XRCC1: variants seen among roughly 807,000 people sequenced by gnomAD.
The protein encoded by XRCC1 is DNA repair protein XRCC1.
XRCC1 carries 52 observed loss-of-function variants against 83.3 expected under a neutral mutation model. That is an observed-to-expected ratio of 0.62 (90% CI 0.50 to 0.79). The LOEUF (loss-of-function observed/expected upper bound fraction) is 0.79. Ranked by LOEUF, XRCC1 falls within the 30% of genes least tolerant of loss-of-function variation. The pLI is 0.00. For synonymous variants in XRCC1, 281 were observed against 312.6 expected (o/e 0.90, Z 1.07); for missense variants, 793 against 823.5 (o/e 0.96, Z 0.45).
At position 43,565,692 on chromosome 19, in the gene XRCC1, G is replaced by A. The variant is rs3213299; in HGVS notation, c.145-4672C>T. 1.8e-4 allele frequency among the ~76,000 whole-genome samples: 27 copies of A among 152,258 alleles called. No individual in the cohort carries two copies. The East Asian group carries it at 3.9e-3, about 22-fold the overall frequency. ...GGCTCACGCCTGTAATCCCAGCACC[G>A]TGGGAGGTGGAGGCGGGAGAATCAC... On this transcript the variant is annotated intron_variant, in intron 2 of 16. Coordinates refer to ENST00000262887, the MANE Select transcript of XRCC1 (RefSeq NM_006297.3).
chr19:43,560,682 G>A (rs1972688699), intron 3 of XRCC1, among the ~76,000 whole-genome samples: 2 of 152,200 alleles, frequency 1.3e-5, no homozygotes, highest in Non-Finnish European at 2.9e-5. Flanking sequence ...TAATACATTT[G>A]TGTCATTTTA....
chr19:43,551,706 GA>G lies in XRCC1; in HGVS notation c.1083-20del, dbSNP rs1171529602. The G allele has an allele frequency of 5.0e-6, 8 of 1,594,700 alleles. No homozygotes were observed. The Admixed American group carries it at 1.3e-4, about 27-fold the overall frequency. On this transcript the variant is annotated intron_variant, in intron 9 of 16. Transcript: ENST00000262887. ...GGCACAGCTGGTGGGGGGCAGAAGT[GA>G]AGATGCCAGTTAGGTGTGATCTGAG...
At chr19:43,569,475 C>A (rs74619094) in intron 2 of XRCC1, among the ~76,000 whole-genome samples, 183 of 129,702 alleles carry the variant, frequency 1.4e-3, no homozygotes, top group Non-Finnish European at 1.4e-3. Context: ...GACCCTGTCT[C>A]AAAAAAAAAA....
At chr19:43,551,815 G>T in intron 9 of XRCC1, 128 bp from the exon 10 acceptor site, 1 of 996,522 alleles carries the variant, frequency 1.0e-6, no homozygotes, top group Non-Finnish European at 1.5e-6. Flanking sequence ...TGAGGTGGGA[G>T]AAACAAAAAG....
At chr19:43,575,252 TC>T in intron 1 of XRCC1, 155 bp downstream of exon 1, 1 of 918,334 alleles carries the variant, frequency 1.1e-6, no homozygotes. Context: ...CGCCGGAACG[TC>T]CCTAATTCAA....
chr19:43,553,405 G>C lies in XRCC1; in HGVS notation c.597C>G (p.Ser199=). Residue 199 remains serine, a synonymous_variant, in exon 6 of 17, where the codon TCC becomes TCG. Coordinates refer to ENST00000262887, the MANE Select transcript of XRCC1 (RefSeq NM_006297.3). The stretch of plus-strand genomic sequence containing the variant: ...ACCCACGTTGTCCGAGCTCACCTGG[G>C]GATGTCTTGTTGATCCGGCTGAAGA... The part of the protein sequence containing the change: ...ALFFSRINKT[S]PVTASDPAGP... 6.2e-7 allele frequency: 1 copy of C among 1,614,062 alleles called. No homozygotes were observed. The highest frequency in any genetic ancestry group is 8.5e-7 in the Non-Finnish European group (1 of 1,179,982).
rs1972506177 is a variant in XRCC1 at position 43,546,065 on chromosome 19, CCT to C, written c.1466_1467del (p.Glu489GlyfsTer2). On this transcript the variant is annotated frameshift_variant, in exon 13 of 17. Coordinates refer to ENST00000262887, the MANE Select transcript of XRCC1 (RefSeq NM_006297.3). LOFTEE classifies it high-confidence loss of function. ...DNGAEDSGDTEDELRRVAEQK... is the reference protein window; with the variant it reads ...DNGAEDSGDTXDELRRVAEQK... ...CCCCAGCCCTACCTCCTCAGCTCAT[CCT>C]CTGTGTCCCCAGAATCTTCCGCCCC... 1.2e-6 allele frequency: 2 copies of C among 1,613,538 alleles called. No homozygotes were observed. Among genetic ancestry groups the C allele is most frequent in the Non-Finnish European group, 1.7e-6 (2 of 1,179,830 alleles).
intron 2 of XRCC1, among the ~76,000 whole-genome samples, chr19:43,573,970 T>C (rs1038781897): frequency 2.6e-5 from 4 of 152,344 alleles, no homozygotes; most frequent in African/African-American, 9.6e-5. Context: ...TAACAGAGCC[T>C]GCCTCTTGGG....
intron 10 of XRCC1, among the ~76,000 whole-genome samples, chr19:43,550,130 G>A (rs1334867448): frequency 6.6e-6 from 1 of 152,094 alleles, no homozygotes; most frequent in Non-Finnish European, 1.5e-5. Flanking sequence ...TCTGGAGCTG[G>A]ATGGGCTTCA....
chr19:43,559,266 A>G (rs987170459), intron 3 of XRCC1, among the ~76,000 whole-genome samples: 12 of 151,736 alleles, frequency 7.9e-5, no homozygotes, highest in African/African-American at 1.9e-4. Context: ...GGCAGATCAC[A>G]AGGTCAGGAG....
intron 10 of XRCC1, among the ~76,000 whole-genome samples, chr19:43,547,412 C>T (rs1382783448): frequency 6.6e-6 from 1 of 151,786 alleles, no homozygotes; most frequent in African/African-American, 2.4e-5. Flanking sequence ...TCTCGATCTC[C>T]TGACCTCATG....
chr19:43,546,521 G>A (rs1322228300), intron 12 of XRCC1, 74 bp downstream of exon 12: 25 of 1,503,636 alleles, frequency 1.7e-5, no homozygotes, highest in Non-Finnish European at 2.0e-5. Flanking sequence ...TCAGACTCAG[G>A]AGCCCAGGCC....
intron 3 of XRCC1, among the ~76,000 whole-genome samples, chr19:43,559,994 T>G (rs1360338963): frequency 6.6e-6 from 1 of 151,294 alleles, no homozygotes; most frequent in Non-Finnish European, 1.5e-5. Flanking sequence ...GGTGGGAGAA[T>G]CACTTGAACC....
rs573104007 is a variant in XRCC1, at chr19:43,557,356, G to T, written c.256-2552C>A. On this transcript the variant is annotated intron_variant, in intron 3 of 16. Coordinates refer to ENST00000262887, the MANE Select transcript of XRCC1 (RefSeq NM_006297.3). ...AGATGAATGCAGCCACTTTTGGTTG[G>T]GTATATTTTGTTACTGACTTAGTCT... is the stretch of plus-strand genomic sequence containing the variant. Among the ~76,000 whole-genome samples the T allele has an allele frequency of 1.2e-4, 18 of 151,268 alleles. No individual in the cohort carries two copies. In the South Asian group the frequency reaches 3.8e-3, roughly 32 times the overall value.
At chr19:43,575,331 A>G in intron 1 of XRCC1, 77 bp downstream of exon 1, 1 of 1,453,602 alleles carries the variant, frequency 6.9e-7, no homozygotes, top group Non-Finnish European at 9.3e-7. Context: ...CTTCCAAGAG[A>G]ACCCCAAAAG....
intron 3 of XRCC1, among the ~76,000 whole-genome samples, chr19:43,557,026 A>C (rs2146056805): frequency 6.6e-6 from 1 of 151,794 alleles, no homozygotes; most frequent in East Asian, 2.0e-4. Flanking sequence ...CGAAACAAAA[A>C]GACTGGGCAC....
intron 3 of XRCC1, 84 bp downstream of exon 3, chr19:43,560,826 C>G (rs1480725377): frequency 8.5e-7 from 1 of 1,176,110 alleles, no homozygotes; most frequent in Non-Finnish European, 1.3e-6. Context: ...CCCATGTCTT[C>G]CCAGCCCCAG....
At chr19:43,550,024 C>G (rs1972559587) in intron 10 of XRCC1, among the ~76,000 whole-genome samples, 1 of 152,114 alleles carries the variant, frequency 6.6e-6, no homozygotes, top group Admixed American at 6.6e-5. Context: ...GAGTCCCCAC[C>G]TGCAGCCTCC....
chr19:43,573,656 T>A (rs1489697000), intron 2 of XRCC1, among the ~76,000 whole-genome samples: 1 of 152,076 alleles, frequency 6.6e-6, no homozygotes, highest in Non-Finnish European at 1.5e-5. Flanking sequence ...GAGGAACGCT[T>A]GAGCCCAGGA....
Sources: allele counts gnomAD v4.1 joint callset (sites outside exome capture counted in the v4.1 genomes callset), GRCh38; gene constraint gnomAD v4.1.1; transcripts MANE v1.5; gene names NCBI Gene and HGNC (gene_info 2026-07-23, HGNC 2026-07-21).